The following CRTC1 variants were observed in gnomAD, a reference collection of about 807,000 sequenced individuals.
CRTC1 encodes CREB-regulated transcription coactivator 1.
CRTC1 carries 18 observed loss-of-function variants against 66.1 expected under a neutral mutation model. The ratio of observed to expected loss-of-function variants is 0.27; its 90% CI spans 0.19 to 0.40. The LOEUF is 0.40. Ranked by LOEUF, CRTC1 falls within the 10% of genes least tolerant of loss-of-function variation. The pLI, the probability that CRTC1 is intolerant of heterozygous loss-of-function variation, is 1.00. For synonymous variants in CRTC1, 416 were observed against 398.8 expected (o/e 1.04, Z -0.51); for missense variants, 669 against 887.9 (o/e 0.75, Z 3.13).
At chr19:18,733,638 G>A (rs1473720949) in intron 1 of CRTC1, among the ~76,000 whole-genome samples, 7 of 152,318 alleles carry the variant, frequency 4.6e-5, no homozygotes, top group Middle Eastern at 3.4e-3. Flanking sequence ...TGTTTACTGA[G>A]GAACTCTGGT....
intron 6 of CRTC1, among the ~76,000 whole-genome samples, chr19:18,758,120 T>A (rs1600965118): frequency 6.7e-6 from 1 of 149,250 alleles, no homozygotes; most frequent in South Asian, 2.1e-4. Flanking sequence ...CCCAGCACTT[T>A]GGGGGCCGAG....
intron 1 of CRTC1, among the ~76,000 whole-genome samples, chr19:18,723,448 A>G (rs1213151101): frequency 6.6e-6 from 1 of 152,140 alleles, no homozygotes; most frequent in Non-Finnish European, 1.5e-5. Flanking sequence ...AGCTCTCAGG[A>G]AGTAGCAGGG....
intron 4 of CRTC1, 33 bp from the exon 5 acceptor site, chr19:18,749,748 G>C (rs780648372): frequency 7.7e-6 from 12 of 1,567,364 alleles, no homozygotes; most frequent in African/African-American, 4.1e-5. Context: ...GCCTTGGGCT[G>C]AGGCTCATTG....
At chr19:18,756,561 C>T (rs186475531) in intron 6 of CRTC1, among the ~76,000 whole-genome samples, 1 of 151,488 alleles carries the variant, frequency 6.6e-6, no homozygotes, top group Non-Finnish European at 1.5e-5. Context: ...CACTTGAGCC[C>T]AGGAGCCCAG....
rs139074613 is a variant in CRTC1, at chr19:18,775,808, C to T, written c.1680C>T (p.Asn560=). The stretch of plus-strand genomic sequence containing the variant: ...ACGCCAGCCACAGTGGCATCCCCAA[C>T]ATCATCCTCACAGGTGAGGCCAGGC... ...LGYASHSGIP[N]IILTVTGESP... Residue 560 remains asparagine (N), a synonymous_variant, in exon 13 of 14, where the codon AAC becomes AAT. Transcript: ENST00000321949. The T allele has an allele frequency of 2.5e-6, 4 of 1,604,002 alleles. No homozygotes were observed. In the African/African-American group the frequency reaches 5.4e-5, roughly 21 times the overall value.
At chr19:18,705,480 G>A (rs2053241536) in intron 1 of CRTC1, among the ~76,000 whole-genome samples, 1 of 152,114 alleles carries the variant, frequency 6.6e-6, no homozygotes, top group Non-Finnish European at 1.5e-5. Flanking sequence ...ACCACACCTG[G>A]CTAATCTTTG....
intron 2 of CRTC1, chr19:18,744,151 C>G: frequency 6.2e-7 from 1 of 1,611,774 alleles, no homozygotes; most frequent in Non-Finnish European, 8.5e-7. Flanking sequence ...GCTCCTGTCT[C>G]TCTGGTAAAT....
intron 1 of CRTC1, among the ~76,000 whole-genome samples, chr19:18,714,871 G>A (rs2053471144): frequency 6.6e-6 from 1 of 152,226 alleles, no homozygotes; most frequent in African/African-American, 2.4e-5. Context: ...CCCTTTGGAG[G>A]GCCTCTCCTG....
intron 4 of CRTC1, among the ~76,000 whole-genome samples, chr19:18,748,318 A>G (rs971337080): frequency 6.7e-6 from 1 of 149,572 alleles, no homozygotes; most frequent in Non-Finnish European, 1.5e-5. Flanking sequence ...GCGCGATCAC[A>G]GGTCACTGCA....
At chr19:18,738,756 C>T (rs796184827) in intron 1 of CRTC1, among the ~76,000 whole-genome samples, 1 of 152,190 alleles carries the variant, frequency 6.6e-6, no homozygotes, top group Non-Finnish European at 1.5e-5. Flanking sequence ...GCCGAGATCG[C>T]GCCATTACAC....
At chr19:18,689,749 C>T (rs2052784268) in intron 1 of CRTC1, among the ~76,000 whole-genome samples, 1 of 150,830 alleles carries the variant, frequency 6.6e-6, no homozygotes, top group Non-Finnish European at 1.5e-5. Flanking sequence ...TGGCCATGAA[C>T]ACGGGTTGTT....
chr19:18,721,195 G>GT (rs35208922), intron 1 of CRTC1, among the ~76,000 whole-genome samples: 49,916 of 136,776 alleles, frequency 0.36, 9,527 homozygotes, highest in East Asian at 0.6. Flanking sequence ...TTCAACCTCT[G>GT]TTTTTTTTTT....
rs2054642207 is a variant in CRTC1 at position 18,762,699 on chromosome 19, C to G, written c.886+2471C>G. Among the ~76,000 whole-genome samples, 3 of 152,266 alleles carry G rather than the reference C, an allele frequency of 2.0e-5. No individual in the cohort carries two copies. The South Asian group carries it at 6.2e-4, about 31-fold the overall frequency. On this transcript the variant is annotated intron_variant, in intron 8 of 13. Transcript: ENST00000321949. ...GCTCTCCCTGCCCGCTCCAGACTTCCCCTCCAGCTGGCTCTGTGCCTGTTC... is the reference window on the plus strand; with the variant it reads ...GCTCTCCCTGCCCGCTCCAGACTTCGCCTCCAGCTGGCTCTGTGCCTGTTC...
At chr19:18,731,891 GACCCAGGAACCCCCTCTCCTC>G (rs1568506337) in intron 1 of CRTC1, among the ~76,000 whole-genome samples, 1 of 152,178 alleles carries the variant, frequency 6.6e-6, no homozygotes, top group Non-Finnish European at 1.5e-5. Flanking sequence ...ACTGGAGCCC[GACCCAGGAACCCCCTCTCCTC>G]ACCCACCCTG....
At chr19:18,708,520 A>G (rs552208464) in intron 1 of CRTC1, among the ~76,000 whole-genome samples, 20 of 152,156 alleles carry the variant, frequency 1.3e-4, no homozygotes, top group Non-Finnish European at 1.9e-4. Flanking sequence ...GGCTGGGGGA[A>G]TCGGGACCAT....
intron 1 of CRTC1, among the ~76,000 whole-genome samples, chr19:18,720,288 C>G (rs761273785): frequency 6.6e-6 from 1 of 152,100 alleles, no homozygotes; most frequent in Non-Finnish European, 1.5e-5. Flanking sequence ...CTCAGCCTCC[C>G]GAGTAGCTGG....
chr19:18,773,762 G>A (rs1414320858), intron 11 of CRTC1, among the ~76,000 whole-genome samples: 1 of 152,088 alleles, frequency 6.6e-6, no homozygotes, highest in Non-Finnish European at 1.5e-5. Context: ...GTTTGAGTGG[G>A]ACGTCCAACC....
chr19:18,725,095 T>C (rs905467033), intron 1 of CRTC1, among the ~76,000 whole-genome samples: 2 of 152,090 alleles, frequency 1.3e-5, no homozygotes, highest in Admixed American at 1.3e-4. Context: ...AGGAGACCCC[T>C]GTATGCTTCA....
At chr19:18,753,275 CTAAATAAA>C (rs59575360) in intron 5 of CRTC1, among the ~76,000 whole-genome samples, 20,677 of 145,970 alleles carry the variant, frequency 0.14, 1,578 homozygotes, top group East Asian at 0.26. Flanking sequence ...GACTCCGTCT[CTAAATAAA>C]TAAATAAATA....
Sources: allele counts gnomAD v4.1 joint callset (sites outside exome capture counted in the v4.1 genomes callset), GRCh38; gene constraint gnomAD v4.1.1; transcripts MANE v1.5; gene names NCBI Gene and HGNC (gene_info 2026-07-23, HGNC 2026-07-21).